Variants in CDH12 observed in about 807,000 individuals in gnomAD.
CDH12 encodes cadherin-12.
In CDH12, 41 loss-of-function variants were observed where a neutral mutation model predicts 74.1. That is an observed-to-expected ratio of 0.55 (90% CI 0.43 to 0.72). The LOEUF is 0.72. Ranked by LOEUF, CDH12 falls within the 30% of genes least tolerant of loss-of-function variation. CDH12 has a pLI of 0.00. For synonymous variants in CDH12, 399 were observed against 355.0 expected, an observed-to-expected ratio of 1.12 and a Z score of -1.39; for missense variants, 945 against 977.2, an observed-to-expected ratio of 0.97 and a Z score of 0.44.
intron 1 of CDH12, among the ~76,000 whole-genome samples, chr5:22,806,885 T>G (rs903604818): frequency 6.6e-6 from 1 of 152,220 alleles, no homozygotes; most frequent in Non-Finnish European, 1.5e-5. Context: ...CTTTGTCAGA[T>G]GGATAGATTG....
At chr5:21,924,385 G>A (rs571503457) in intron 6 of CDH12, among the ~76,000 whole-genome samples, 26 of 152,132 alleles carry the variant, frequency 1.7e-4, no homozygotes, top group African/African-American at 5.5e-4. Context: ...GAGTGGTGGC[G>A]GGAACCTGTA....
At chr5:22,565,279 G>A (rs149046369) in intron 1 of CDH12, among the ~76,000 whole-genome samples, 109 of 152,138 alleles carry the variant, frequency 7.2e-4, no homozygotes, top group Middle Eastern at 3.4e-3. Context: ...AGGATTGCTG[G>A]GTCATATGAT....
intron 3 of CDH12, among the ~76,000 whole-genome samples, chr5:22,394,428 GCTACT>G (rs1742371397): frequency 2.0e-5 from 3 of 152,100 alleles, no homozygotes; most frequent in South Asian, 2.1e-4. Context: ...GAAATATAGA[GCTACT>G]CAGCTGTAAA....
At chr5:22,372,238 A>G (rs1032098548) in intron 3 of CDH12, among the ~76,000 whole-genome samples, 2 of 152,118 alleles carry the variant, frequency 1.3e-5, no homozygotes, top group African/African-American at 4.8e-5. Context: ...GTAGATATTG[A>G]CACATTGGAT....
chr5:22,428,563 C>A (rs2126514717), intron 2 of CDH12, among the ~76,000 whole-genome samples: 1 of 152,168 alleles, frequency 6.6e-6, no homozygotes, highest in Non-Finnish European at 1.5e-5. Flanking sequence ...ACTGATGTGA[C>A]TAGATCAACG....
At chr5:22,406,100 A>T (rs182001249) in intron 2 of CDH12, among the ~76,000 whole-genome samples, 14 of 152,338 alleles carry the variant, frequency 9.2e-5, no homozygotes, top group African/African-American at 3.1e-4. Context: ...CCATAGGTAC[A>T]GAATCCACAG....
chr5:21,776,840 G>A, intron 11 of CDH12, among the ~76,000 whole-genome samples: 1 of 152,136 alleles, frequency 6.6e-6, no homozygotes, highest in Non-Finnish European at 1.5e-5. Flanking sequence ...ACCTGTGATG[G>A]CACCATTGAG....
intron 2 of CDH12, among the ~76,000 whole-genome samples, chr5:22,489,314 C>A (rs898711641): frequency 2.6e-5 from 4 of 151,746 alleles, no homozygotes; most frequent in Non-Finnish European, 4.4e-5. Flanking sequence ...GCCTCGGCCT[C>A]CCAAAGTGCT....
chr5:22,191,777 G>T (rs1750319712), intron 4 of CDH12, among the ~76,000 whole-genome samples: 1 of 151,570 alleles, frequency 6.6e-6, no homozygotes, highest in Non-Finnish European at 1.5e-5. Context: ...TTTTAGCCGG[G>T]ATGGTCTCGA....
chr5:22,437,319 T>C (rs1418442659), intron 2 of CDH12, among the ~76,000 whole-genome samples: 2 of 151,792 alleles, frequency 1.3e-5, no homozygotes, highest in African/African-American at 4.8e-5. Context: ...TCAAATCAAC[T>C]AAAAACAAAT....
intron 4 of CDH12, among the ~76,000 whole-genome samples, chr5:22,121,592 T>G (rs888753292): frequency 6.6e-6 from 1 of 152,196 alleles, no homozygotes; most frequent in African/African-American, 2.4e-5. Flanking sequence ...TCACAATTCT[T>G]GATAATTAAC....
rs559125321 is a variant in CDH12 at position 22,222,547 on chromosome 5, C to A, written c.-332-9904G>T. ...CACTTAAAGAATGAGTTATTTTTTT[C>A]TTTTCTAAAATTGTCATTTTATTTT... is the stretch of plus-strand genomic sequence containing the variant. On this transcript the variant is annotated intron_variant, in intron 3 of 14. Transcript: ENST00000382254. Among the ~76,000 whole-genome samples the A allele has an allele frequency of 4.0e-5, 6 of 151,708 alleles. No individual in the cohort carries two copies. In the South Asian group the frequency reaches 6.2e-4, roughly 16 times the overall value.
chr5:22,051,025 A>G (rs1040306463), intron 5 of CDH12, among the ~76,000 whole-genome samples: 4 of 152,182 alleles, frequency 2.6e-5, no homozygotes, highest in Non-Finnish European at 5.9e-5. Context: ...TCAGGCTGTC[A>G]TTAAGGAATC....
At chr5:22,817,513 G>A (rs556921850) in intron 1 of CDH12, among the ~76,000 whole-genome samples, 8 of 152,082 alleles carry the variant, frequency 5.3e-5, no homozygotes, top group African/African-American at 1.7e-4. Flanking sequence ...GTAGTTTGTT[G>A]TATATAATTG....
chr5:22,468,286 T>C (rs993055874), intron 2 of CDH12, among the ~76,000 whole-genome samples: 3 of 152,218 alleles, frequency 2.0e-5, no homozygotes. Context: ...AATACATACA[T>C]GACTCTCCAA....
At chr5:22,815,939 GA>G (rs568117759) in intron 1 of CDH12, among the ~76,000 whole-genome samples, 6 of 151,548 alleles carry the variant, frequency 4.0e-5, no homozygotes, top group African/African-American at 9.7e-5. Context: ...TTCTAGGTTT[GA>G]AAAAAAAGAA....
chr5:21,833,133 TAAA>T (rs1749212284), intron 8 of CDH12, among the ~76,000 whole-genome samples: 2 of 35,252 alleles, frequency 5.7e-5, no homozygotes, highest in Non-Finnish European at 8.6e-5. Flanking sequence ...TATTATATTA[TAAA>T]TATATATTAT....
At chr5:22,350,652 T>C (rs188954980) in intron 3 of CDH12, among the ~76,000 whole-genome samples, 22 of 152,338 alleles carry the variant, frequency 1.4e-4, no homozygotes, top group Non-Finnish European at 2.6e-4. Flanking sequence ...TGCAAAATAT[T>C]GCATGGTAGA....
chr5:21,900,105 T>C (rs1398589570), intron 6 of CDH12, among the ~76,000 whole-genome samples: 2 of 152,180 alleles, frequency 1.3e-5, no homozygotes, highest in African/African-American at 4.8e-5. Flanking sequence ...GATATTAACA[T>C]TGAATAATTT....
Sources: allele counts gnomAD v4.1 joint callset (sites outside exome capture counted in the v4.1 genomes callset), GRCh38; gene constraint gnomAD v4.1.1; transcripts MANE v1.5; gene names NCBI Gene and HGNC (gene_info 2026-07-23, HGNC 2026-07-21).